ADAMTS17: variants seen among roughly 807,000 people sequenced by gnomAD.
The protein encoded by ADAMTS17 is ADAM metallopeptidase with thrombospondin type 1 motif 17.
Under a neutral mutation model 141.5 loss-of-function variants are expected in ADAMTS17, and 113 were observed. That is an observed-to-expected ratio of 0.80 (90% confidence interval 0.69 to 0.93). The LOEUF (loss-of-function observed/expected upper bound fraction) is 0.93, where lower values mean the gene tolerates loss of function less well. ADAMTS17 is among the 40% of genes least tolerant of loss of function. The probability of loss-of-function intolerance (pLI) is 0.00; values close to 1 mark genes in which losing one functional copy is unlikely to be tolerated. For missense variants in ADAMTS17, 1,659 were observed against 1,517.9 expected (o/e 1.09, Z -1.54); for synonymous variants, 768 against 630.6 (o/e 1.22, Z -3.27).
intron 3 of ADAMTS17, among the ~76,000 whole-genome samples, chr15:100,296,289 T>C (rs1003431004): frequency 2.6e-5 from 4 of 151,926 alleles, no homozygotes; most frequent in Non-Finnish European, 5.9e-5. Flanking sequence ...AAGCAAAAGA[T>C]CTGTTTATAG....
intron 15 of ADAMTS17, among the ~76,000 whole-genome samples, chr15:100,094,604 G>A (rs1312832123): frequency 6.6e-6 from 1 of 152,224 alleles, no homozygotes; most frequent in African/African-American, 2.4e-5. Context: ...GGTTGGCGAT[G>A]GGAGTGGGCC....
At chr15:100,300,341 A>T (rs1596475832) in intron 3 of ADAMTS17, among the ~76,000 whole-genome samples, 1 of 152,184 alleles carries the variant, frequency 6.6e-6, no homozygotes, top group African/African-American at 2.4e-5. Flanking sequence ...CATCATCAGA[A>T]TGGCATTCTT....
In ADAMTS17 at chr15:100,283,449, G is replaced by A. The variant is rs371231093; in HGVS notation, c.617-2048C>T. Reference sequence around the variant, plus strand: ...TTCCTTCCTTGTTTCCATTTTAAAGGTGCAGAGCTGATGGGCCACCCAAGC... The same window carrying A: ...TTCCTTCCTTGTTTCCATTTTAAAGATGCAGAGCTGATGGGCCACCCAAGC... On this transcript the variant is annotated intron_variant, in intron 3 of 21. Transcript: ENST00000268070. 5.1e-4 allele frequency among the ~76,000 whole-genome samples: 78 copies of A among 152,266 alleles called. No homozygotes were observed. The East Asian group carries it at 0.011, about 21-fold the overall frequency.
rs571525980 is a variant in ADAMTS17 at position 99,993,360 on chromosome 15, C to T, written c.2797-160G>A. ...AAAGCTCCTGGTCTGCAGGGTCTTA[C>T]GCACGTGGTCCCAGCTGGGGCCCCA... On this transcript the variant is annotated intron_variant, in intron 19 of 21. Transcript: ENST00000268070. The surrounding 1 kb of genome is among the most constrained non-coding windows in gnomAD (Gnocchi z 4.3). Among the ~76,000 whole-genome samples, 38 of 152,308 alleles carry T rather than the reference C, an allele frequency of 2.5e-4. 1 individual carries two copies. Among genetic ancestry groups the T allele is most frequent in the Admixed American group, 1.6e-3 (25 of 15,302 alleles).
At chr15:99,980,195 C>A (rs566220874) in intron 20 of ADAMTS17, 1 of 152,336 alleles carries the variant, frequency 6.6e-6, no homozygotes, top group Admixed American at 6.5e-5. Context: ...GTGGTGAGCA[C>A]CTGTAATCCC....
intron 8 of ADAMTS17, among the ~76,000 whole-genome samples, chr15:100,185,442 C>T (rs983769481): frequency 2.0e-5 from 3 of 152,166 alleles, no homozygotes; most frequent in Admixed American, 2.0e-4. Context: ...CCCCATGTCA[C>T]AGAATCAAGA....
intron 20 of ADAMTS17, among the ~76,000 whole-genome samples, chr15:99,977,367 TA>T (rs2060363991): frequency 7.5e-5 from 1 of 13,302 alleles, no homozygotes; most frequent in Admixed American, 5.3e-4. Flanking sequence ...TATATATATA[TA>T]TATATATATA....
rs112537433 is a variant in ADAMTS17 at position 100,117,659 on chromosome 15, T to C, written c.1722-646A>G. ...TAAGCCATTCCGGAGTTCCAGACTG[T>C]GTTCACTGGCCAAGTCCACATGTGT... On this transcript the variant is annotated intron_variant, in intron 12 of 21. Transcript: ENST00000268070. Among the ~76,000 whole-genome samples, 108 of 152,164 alleles carry C rather than the reference T, an allele frequency of 7.1e-4. 2 individuals are homozygous for C. Among genetic ancestry groups the C allele is most frequent in the African/African-American group, 2.5e-3 (104 of 41,496 alleles).
At chr15:100,237,488 T>A (rs1246364892) in intron 7 of ADAMTS17, among the ~76,000 whole-genome samples, 2 of 152,184 alleles carry the variant, frequency 1.3e-5, no homozygotes, top group Non-Finnish European at 2.9e-5. Context: ...TGGGGCAGGC[T>A]GAGCAGACAC....
chr15:100,205,438 A>T (rs1303635148), intron 7 of ADAMTS17, among the ~76,000 whole-genome samples: 1 of 152,212 alleles, frequency 6.6e-6, no homozygotes, highest in African/African-American at 2.4e-5. Context: ...AACTTGAGCC[A>T]AGTGCATGGA....
At chr15:100,298,773 G>A (rs1328047257) in intron 3 of ADAMTS17, among the ~76,000 whole-genome samples, 1 of 152,142 alleles carries the variant, frequency 6.6e-6, no homozygotes, top group African/African-American at 2.4e-5. Flanking sequence ...CGAAAATAAA[G>A]GAGACCACCA....
intron 18 of ADAMTS17, among the ~76,000 whole-genome samples, chr15:100,035,227 AGG>A (rs1360580512): frequency 3.3e-5 from 5 of 152,230 alleles, no homozygotes; most frequent in Non-Finnish European, 5.9e-5. Context: ...TAGCTCTGAC[AGG>A]CAGTCCTGAA....
At chr15:100,049,026 T>C (rs748458713) in intron 17 of ADAMTS17, 34 bp from the exon 18 acceptor site, 2 of 1,614,116 alleles carry the variant, frequency 1.2e-6, no homozygotes, top group East Asian at 2.2e-5. Flanking sequence ...TGAGAGACTG[T>C]GGCTGCACCC....
chr15:100,264,734 T>A (rs1478149084), intron 4 of ADAMTS17, among the ~76,000 whole-genome samples: 1 of 151,994 alleles, frequency 6.6e-6, no homozygotes, highest in Non-Finnish European at 1.5e-5. Context: ...CAAAGCTCAG[T>A]CGCCTCCCTT....
intron 3 of ADAMTS17, among the ~76,000 whole-genome samples, chr15:100,321,332 GATAAA>G (rs912365971): frequency 6.5e-4 from 99 of 152,076 alleles, no homozygotes; most frequent in African/African-American, 2.1e-3. Flanking sequence ...ATAGTAAACA[GATAAA>G]ATAAATAAAA....
chr15:100,091,009 AC>A (rs1053175992), intron 15 of ADAMTS17, among the ~76,000 whole-genome samples: 4 of 144,794 alleles, frequency 2.8e-5, no homozygotes, highest in South Asian at 2.2e-4. Context: ...CTCCGTCTCA[AC>A]AAAAAAAAAA....
intron 7 of ADAMTS17, among the ~76,000 whole-genome samples, chr15:100,207,317 T>C (rs190469061): frequency 2.0e-5 from 3 of 152,326 alleles, no homozygotes; most frequent in Admixed American, 2.0e-4. Context: ...CCAGTCCTAC[T>C]GGCACTGCGG....
At chr15:100,323,301 T>C (rs2045792334) in intron 3 of ADAMTS17, among the ~76,000 whole-genome samples, 1 of 152,140 alleles carries the variant, frequency 6.6e-6, no homozygotes, top group Admixed American at 6.5e-5. Flanking sequence ...TTAAAGGGGT[T>C]AAATAAATAA....
rs563816733 is a variant in ADAMTS17 at position 100,046,614 on chromosome 15, C to T, written c.2591+2243G>A. Among the ~76,000 whole-genome samples the T allele has an allele frequency of 2.6e-5, 4 of 152,276 alleles. 1 individual carries two copies. Among genetic ancestry groups the T allele is most frequent in the African/African-American group, 7.2e-5 (3 of 41,558 alleles). ...ATTTCATGGACATTTATTAGTTCCC[C>T]AAATAAATACTTTTATAATTTCTTA... On this transcript the variant is annotated intron_variant, in intron 18 of 21. Transcript: ENST00000268070.
Sources: allele counts gnomAD v4.1 joint callset (sites outside exome capture counted in the v4.1 genomes callset), GRCh38; gene constraint gnomAD v4.1.1; non-coding constraint Gnocchi (gnomAD v3.1); transcripts MANE v1.5; gene names NCBI Gene and HGNC (gene_info 2026-07-23, HGNC 2026-07-21).